ITCH: variants seen among roughly 807,000 people sequenced by gnomAD.
ITCH encodes the protein E3 ubiquitin-protein ligase Itchy homolog.
ITCH carries 28 observed loss-of-function variants against 126.8 expected under a neutral mutation model. The observed-to-expected ratio is 0.22, with a 90% CI of 0.16 to 0.30. The LOEUF (loss-of-function observed/expected upper bound fraction) is 0.30. Ranked by LOEUF, ITCH falls within the 10% of genes least tolerant of loss-of-function variation. The pLI, the probability that ITCH is intolerant of heterozygous loss-of-function variation, is 1.00. For missense variants in ITCH, 631 were observed against 1,032.4 expected (o/e 0.61, Z 5.33); for synonymous variants, 342 against 340.0 (o/e 1.01, Z -0.06).
At chr20:34,441,056 A>AG (rs1983687374) in intron 9 of ITCH, among the ~76,000 whole-genome samples, 1 of 151,916 alleles carries the variant, frequency 6.6e-6, no homozygotes. Flanking sequence ...TGATCACCTG[A>AG]GGTCAGGAGT....
chr20:34,457,955 A>G (rs942838592), intron 13 of ITCH, among the ~76,000 whole-genome samples: 2 of 152,204 alleles, frequency 1.3e-5, no homozygotes, highest in African/African-American at 4.8e-5. Context: ...TTCAAAAAAA[A>G]AGAAAACAAT....
At chr20:34,500,493 T>A (rs1300964638) in intron 23 of ITCH, among the ~76,000 whole-genome samples, 1 of 152,228 alleles carries the variant, frequency 6.6e-6, no homozygotes, top group Non-Finnish European at 1.5e-5. Flanking sequence ...TCCTGCTCAC[T>A]TTGGATTTCC....
chr20:34,386,010 T>C (rs1243024033), intron 2 of ITCH, among the ~76,000 whole-genome samples: 1 of 152,188 alleles, frequency 6.6e-6, no homozygotes, highest in African/African-American at 2.4e-5. Context: ...TGGAAATGGG[T>C]ATTTACCCTC....
Position 34,438,500 on chromosome 20 carries a change from C to T in ITCH, c.548C>T (p.Pro183Leu). The part of the protein sequence containing the change: ...TRVSTNGSDD[P>L]EDAGAGENRR... Reference sequence around the variant, plus strand: ...GTGAGCACAAATGGATCAGATGACCCTGAAGATGCAGGAGCTGGTGAAAAT... The same window carrying T: ...GTGAGCACAAATGGATCAGATGACCTTGAAGATGCAGGAGCTGGTGAAAAT... The change falls in exon 8 of 25, where the codon CCT (proline) becomes CTT (leucine). Residue 183 changes from proline (P) to leucine (L), a missense_variant. Physicochemically the swap from Pro to Leu is moderately conservative, Grantham distance 98. This residue lies in a region of ITCH where 220 missense variants were observed against 265.7 expected (regional missense o/e 0.83). Transcript: ENST00000374864. The T allele has an allele frequency of 6.2e-7, 1 of 1,614,026 alleles. No individual in the cohort carries two copies. The highest frequency in any genetic ancestry group is 8.5e-7 in the Non-Finnish European group (1 of 1,179,990).
chr20:34,460,959 T>G (rs1986449487), intron 13 of ITCH, among the ~76,000 whole-genome samples: 1 of 151,842 alleles, frequency 6.6e-6, no homozygotes, highest in Admixed American at 6.5e-5. Context: ...AGTTTGAGGC[T>G]GCAGTGAACT....
intron 2 of ITCH, among the ~76,000 whole-genome samples, chr20:34,374,805 C>G (rs2123008892): frequency 6.6e-6 from 1 of 151,142 alleles, no homozygotes; most frequent in African/African-American, 2.4e-5. Context: ...ATGATCTTGG[C>G]TCACTGCAAC....
chr20:34,393,969 T>C (rs2038578315), intron 3 of ITCH, 88 bp downstream of exon 3: 5 of 1,246,898 alleles, frequency 4.0e-6, no homozygotes, highest in South Asian at 1.2e-5. Context: ...TGGTGGCCCA[T>C]GCCTGTAATC....
intron 2 of ITCH, among the ~76,000 whole-genome samples, chr20:34,385,215 GTGTGTGGT>G (rs2038233123): frequency 7.5e-6 from 1 of 133,310 alleles, no homozygotes; most frequent in African/African-American, 3.3e-5. Context: ...GTGTGTGTGT[GTGTGTGGT>G]TTTTTTTTTT....
At position 34,413,806 on chromosome 20, in the gene ITCH, C is replaced by T; in HGVS notation, c.402C>T (p.Asp134=). The T allele has an allele frequency of 6.2e-7, 1 of 1,613,112 alleles. No individual in the cohort carries two copies. Among genetic ancestry groups the T allele is most frequent in the Non-Finnish European group, 8.5e-7 (1 of 1,179,168 alleles). ...AAGAGCCAACAGAGACAATAGGAGACTTGTCAATTTGTCTTGATGGGCTAC... is the reference window on the plus strand; with the variant it reads ...AAGAGCCAACAGAGACAATAGGAGATTTGTCAATTTGTCTTGATGGGCTAC... ...GDKEPTETIG[D]LSICLDGLQL... The change falls in exon 6 of 25, where the codon GAC becomes GAT. Residue 134 remains aspartate (D), a synonymous_variant. Coordinates refer to ENST00000374864, the MANE Select transcript of ITCH (RefSeq NM_031483.7).
chr20:34,499,120 G>A (rs539462967), intron 23 of ITCH, among the ~76,000 whole-genome samples: 102 of 151,352 alleles, frequency 6.7e-4, no homozygotes, highest in Non-Finnish European at 1.3e-3. Context: ...GACTACAGGC[G>A]CCTGCCACCA....
intron 17 of ITCH, among the ~76,000 whole-genome samples, chr20:34,479,276 A>G (rs1282447028): frequency 1.3e-5 from 2 of 152,234 alleles, no homozygotes; most frequent in East Asian, 1.9e-4. Context: ...TTGCCTATGA[A>G]TAGTATTTCA....
intron 2 of ITCH, among the ~76,000 whole-genome samples, chr20:34,391,232 A>G (rs1568881320): frequency 6.6e-6 from 1 of 152,242 alleles, no homozygotes; most frequent in East Asian, 1.9e-4. Context: ...AACTTCAAAC[A>G]ATACATACAA....
At chr20:34,402,382 C>T in intron 3 of ITCH, 2 of 804,056 alleles carry the variant, frequency 2.5e-6, no homozygotes, top group East Asian at 4.9e-5. Context: ...AATTTGGGTC[C>T]CAACAAGCAA....
intron 2 of ITCH, among the ~76,000 whole-genome samples, chr20:34,385,813 G>T (rs2038263688): frequency 6.6e-6 from 1 of 152,136 alleles, no homozygotes; most frequent in African/African-American, 2.4e-5. Context: ...AGCTTTTAGT[G>T]TTCTGAGATC....
At chr20:34,392,667 CAGTA>C (rs1313998030) in intron 2 of ITCH, among the ~76,000 whole-genome samples, 1 of 152,212 alleles carries the variant, frequency 6.6e-6, no homozygotes, top group African/African-American at 2.4e-5. Flanking sequence ...GCCTGGCAAA[CAGTA>C]AGTGCCAAGT....
intron 2 of ITCH, among the ~76,000 whole-genome samples, chr20:34,373,089 C>T (rs2037702398): frequency 6.6e-6 from 1 of 151,790 alleles, no homozygotes; most frequent in South Asian, 2.1e-4. Flanking sequence ...ATTCTCCTGC[C>T]TGAGTCTCCC....
chr20:34,489,224 G>C, intron 20 of ITCH, 42 bp from the exon 21 acceptor site: 1 of 1,580,180 alleles, frequency 6.3e-7, no homozygotes, highest in Non-Finnish European at 8.7e-7. Context: ...TTAAAGATAA[G>C]ATCTAAACTT....
At chr20:34,430,229 G>A (rs1051535637) in intron 7 of ITCH, among the ~76,000 whole-genome samples, 4 of 152,168 alleles carry the variant, frequency 2.6e-5, no homozygotes, top group Non-Finnish European at 5.9e-5. Flanking sequence ...GAACTTGCTT[G>A]AGTTAATAGC....
chr20:34,370,046 G>A (rs989282905), intron 2 of ITCH, among the ~76,000 whole-genome samples: 2 of 150,226 alleles, frequency 1.3e-5, no homozygotes, highest in Non-Finnish European at 3.0e-5. Flanking sequence ...TGAGGCTGCA[G>A]TAAGCCATGA....
Sources: gnomAD v4.1 joint callset for allele counts (sites outside exome capture counted in the v4.1 genomes callset) on GRCh38, gnomAD v4.1.1 for gene constraint, gnomAD v4.1.1 regional missense constraint, MANE v1.5 for transcripts, NCBI Gene and HGNC (gene_info 2026-07-23, HGNC 2026-07-21) for gene names.